MEGF8: variants seen among roughly 807,000 people sequenced by gnomAD.
MEGF8 encodes multiple epidermal growth factor-like domains protein 8.
Under a neutral mutation model 302.9 loss-of-function variants are expected in MEGF8, and 156 were observed. The ratio of observed to expected loss-of-function variants is 0.52; its 90% CI spans 0.45 to 0.59. The LOEUF (loss-of-function observed/expected upper bound fraction) is 0.59, where lower values mean the gene tolerates loss of function less well. MEGF8 is among the 20% of genes least tolerant of loss of function. MEGF8 has a pLI of 0.00. For synonymous variants in MEGF8, 1,621 were observed against 1,660.5 expected, an observed-to-expected ratio of 0.98 and a Z score of 0.58; for missense variants, 3,345 against 3,964.5, an observed-to-expected ratio of 0.84 and a Z score of 4.20.
chr19:42,348,331 C>T lies in MEGF8; in HGVS notation c.2157C>T (p.Ser719=), dbSNP rs1364252641. 2.0e-6 allele frequency: 3 copies of T among 1,537,514 alleles called. No individual in the cohort carries two copies. The highest frequency in any genetic ancestry group is 2.0e-5 in the Admixed American group (1 of 51,010). ...CACCCAGCGCAGAGACAGATGTGTCCCTGGTCTACCGTGGCTTCATCTACC... is the reference window on the plus strand; with the variant it reads ...CACCCAGCGCAGAGACAGATGTGTCTCTGGTCTACCGTGGCTTCATCTACC... The part of the protein sequence containing the change: ...TLTPSAETDV[S]LVYRGFIYPM... The change falls in exon 13 of 42, where the codon TCC becomes TCT. Residue 719 remains serine, a synonymous_variant. Coordinates refer to ENST00000251268, the MANE Select transcript of MEGF8 (RefSeq NM_001271938.2).
Position 42,355,914 on chromosome 19 carries a change from G to T in MEGF8, c.4301G>T (p.Arg1434Leu). ...QDGAAGAGLC[R>L]CPQGWAGPHC... Reference sequence around the variant, plus strand: ...GGTGCTGCAGGTGCGGGGCTCTGCCGATGTCCTCAGGGCTGGGCTGGCCCA... The same window carrying T: ...GGTGCTGCAGGTGCGGGGCTCTGCCTATGTCCTCAGGGCTGGGCTGGCCCA... Residue 1434 changes from arginine (R) to leucine (L), a missense_variant, in exon 24 of 42, where the codon CGA becomes CTA. By Grantham distance (102) the Arg-to-Leu change is moderately radical. Transcript: ENST00000251268. The T allele has an allele frequency of 6.3e-7, 1 of 1,599,546 alleles. No homozygotes were observed.
intron 35 of MEGF8, among the ~76,000 whole-genome samples, chr19:42,366,571 G>C (rs1018701600): frequency 6.6e-6 from 1 of 152,176 alleles, no homozygotes; most frequent in African/African-American, 2.4e-5. Context: ...TCTCTGGTCT[G>C]CCTCCTTCCT....
In MEGF8 at chr19:42,369,452, G is replaced by A. The variant is rs954899207; in HGVS notation, c.6642-79G>A. The A allele has an allele frequency of 3.3e-5, 47 of 1,418,994 alleles. No homozygotes were observed. The highest frequency in any genetic ancestry group is 1.1e-4 in the South Asian group (9 of 78,710). The allele number at this position is 1,418,994 out of a possible 1,614,324, so 87.9% of individuals were successfully genotyped here. A position where few individuals can be genotyped will look rare whatever the true frequency, so the allele number is the denominator to read the frequency against. On this transcript the variant is annotated intron_variant, in intron 37 of 41. Coordinates refer to ENST00000251268, the MANE Select transcript of MEGF8 (RefSeq NM_001271938.2). This position sits in a 1 kb window ranked among gnomAD's most constrained non-coding sequence, Gnocchi z 5.7. ...ATGAGCAACCAGTTGAGAAGAGGGTGGGGTAGTTGGTTGGGTGCTAGGCCA... is the reference window on the plus strand; with the variant it reads ...ATGAGCAACCAGTTGAGAAGAGGGTAGGGTAGTTGGTTGGGTGCTAGGCCA...
Position 42,326,249 on chromosome 19 carries a change from C to T in MEGF8, c.6C>T (p.Ala2=). ...GGTCAGTGCAGGAGGCGGCGATGGC[C>T]CTGGGCAAGGTTCTGGCCATGGCAC... The part of the protein sequence containing the change: M[A]LGKVLAMALV... Residue 2 remains alanine (A), a synonymous_variant, in exon 1 of 42, where the codon GCC becomes GCT. Transcript: ENST00000251268. 4 of 1,532,788 alleles carry T rather than the reference C, an allele frequency of 2.6e-6. No individual in the cohort carries two copies. Among genetic ancestry groups the T allele is most frequent in the South Asian group, 1.3e-5 (1 of 79,056 alleles). 94.9% of individuals were successfully genotyped at this position (1,532,788 alleles called of 1,614,324 possible).
chr19:42,365,869 G>T (rs1047791973), intron 35 of MEGF8, among the ~76,000 whole-genome samples: 3 of 151,488 alleles, frequency 2.0e-5, no homozygotes, highest in South Asian at 4.2e-4. Context: ...GGATCGTGAG[G>T]TCAGGAGTTC....
intron 15 of MEGF8, 92 bp downstream of exon 15, chr19:42,350,476 G>A: frequency 8.2e-7 from 1 of 1,215,926 alleles, no homozygotes. Flanking sequence ...GGGGTGTGGG[G>A]GAAACAGCAA....
intron 1 of MEGF8, among the ~76,000 whole-genome samples, chr19:42,329,991 G>A (rs547310025): frequency 2.4e-4 from 36 of 152,086 alleles, no homozygotes; most frequent in African/African-American, 8.7e-4. Context: ...TGCCCAGGCT[G>A]GAGTGCAGTG....
rs950183776 is a variant in MEGF8, at chr19:42,356,743, A to C, written c.4623-31A>C. 4.3e-5 allele frequency: 65 copies of C among 1,527,498 alleles called. No individual in the cohort carries two copies. Among genetic ancestry groups the C allele is most frequent in the Non-Finnish European group, 5.6e-5 (63 of 1,133,178 alleles). The allele number at this position is 1,527,498 out of a possible 1,614,324, so 94.6% of individuals were successfully genotyped here. On this transcript the variant is annotated intron_variant, in intron 26 of 41. Transcript: ENST00000251268. The surrounding 1 kb of genome is among the most constrained non-coding windows in gnomAD (Gnocchi z 5.2). ...CTTGAAGGATGCTGGGATGACTGTA[A>C]TGAGGCTGCTTTTTTGCACCCTGGC...
In MEGF8 at chr19:42,352,153, T is replaced by C; in HGVS notation, c.3102-55T>C. The stretch of plus-strand genomic sequence containing the variant: ...TCCTCTCTCCCTGTCATTGTTTCTA[T>C]GTATGGCTCCTGTTTCTATGTTGTC... On this transcript the variant is annotated intron_variant, in intron 18 of 41. Transcript: ENST00000251268. This position sits in a 1 kb window ranked among gnomAD's most constrained non-coding sequence, Gnocchi z 4.4. 1 of 1,463,090 alleles carries C rather than the reference T, an allele frequency of 6.8e-7. No individual in the cohort carries two copies. The highest frequency in any genetic ancestry group is 2.4e-5 in the East Asian group (1 of 41,344). The allele number at this position is 1,463,090 out of a possible 1,614,324, so 90.6% of individuals were successfully genotyped here. A position where few individuals can be genotyped will look rare whatever the true frequency, so the allele number is the denominator to read the frequency against.
At chr19:42,370,634 C>T (rs1176612232) in intron 39 of MEGF8, 67 bp from the exon 40 acceptor site, 28 of 1,539,152 alleles carry the variant, frequency 1.8e-5, no homozygotes, top group African/African-American at 2.7e-5. Context: ...AGCCTGGACT[C>T]CTGGGTCTGA....
intron 12 of MEGF8, among the ~76,000 whole-genome samples, chr19:42,346,326 G>A (rs1256004354): frequency 6.6e-6 from 1 of 152,102 alleles, no homozygotes; most frequent in East Asian, 1.9e-4. Flanking sequence ...CGGATCTCTT[G>A]AGGTCAGGAG....
At chr19:42,345,520 T>C (rs527605698) in intron 12 of MEGF8, among the ~76,000 whole-genome samples, 23 of 152,350 alleles carry the variant, frequency 1.5e-4, no homozygotes, top group African/African-American at 5.5e-4. Context: ...GGACATTTCA[T>C]GTACATGGAG....
intron 38 of MEGF8, 95 bp from the exon 39 acceptor site, chr19:42,370,094 C>T (rs1181674283): frequency 2.9e-6 from 4 of 1,375,414 alleles, no homozygotes; most frequent in African/African-American, 2.9e-5. Context: ...CTGCTGCCCT[C>T]CCGTGGGCTC....
intron 15 of MEGF8, among the ~76,000 whole-genome samples, chr19:42,350,678 A>G (rs929730635): frequency 1.3e-5 from 2 of 152,210 alleles, no homozygotes; most frequent in African/African-American, 4.8e-5. Context: ...GCCACCTCCA[A>G]GTGATGTCAG....
At chr19:42,335,808 T>G (rs2039119475) in intron 5 of MEGF8, 123 bp from the exon 6 acceptor site, 1 of 924,670 alleles carries the variant, frequency 1.1e-6, no homozygotes, top group South Asian at 2.0e-5. Flanking sequence ...TCTGCCTTTC[T>G]CTTTGTCTCT....
intron 12 of MEGF8, 56 bp from the exon 13 acceptor site, chr19:42,348,216 T>C (rs2147470423): frequency 6.9e-7 from 1 of 1,446,276 alleles, no homozygotes; most frequent in Admixed American, 2.1e-5. Context: ...CTGGCTCTGA[T>C]GTGGCCTGTG....
At position 42,351,808 on chromosome 19, in the gene MEGF8, C is replaced by T; in HGVS notation, c.3101+47C>T. The T allele has an allele frequency of 2.0e-6, 3 of 1,474,088 alleles. No homozygotes were observed. The highest frequency in any genetic ancestry group is 2.8e-6 in the Non-Finnish European group (3 of 1,077,998). 91.3% of individuals were successfully genotyped at this position (1,474,088 alleles called of 1,614,324 possible). ...GGCAGGGTGCCCGGCTGTGTCCTTC[C>T]TCCATGACCGGTCATTCTAATGGCC... On this transcript the variant is annotated intron_variant, in intron 18 of 41. Transcript: ENST00000251268. This position sits in a 1 kb window ranked among gnomAD's most constrained non-coding sequence, Gnocchi z 5.6.
Position 42,338,915 on chromosome 19 carries a change from A to C in MEGF8, c.1513+1709A>C, listed in dbSNP as rs567633063. ...AGTGGCGGGATCTCGGCTCACTGCA[A>C]CCTCCACCTCCCAGGTTCAAGCGAT... is the stretch of plus-strand genomic sequence containing the variant. On this transcript the variant is annotated intron_variant, in intron 8 of 41. Coordinates refer to ENST00000251268, the MANE Select transcript of MEGF8 (RefSeq NM_001271938.2). 2.5e-4 allele frequency among the ~76,000 whole-genome samples: 34 copies of C among 134,612 alleles called. No individual in the cohort carries two copies. The East Asian group carries it at 4.6e-3, about 18-fold the overall frequency. The allele number at this position is 134,612 out of a possible 152,430, so 88.3% of individuals were successfully genotyped here.
rs2039558421 is a variant in MEGF8, at chr19:42,363,207, C to CT, written c.6219dup (p.Lys2074Ter). On this transcript the variant is annotated frameshift_variant, in exon 35 of 42. Transcript: ENST00000251268. LOFTEE classifies it high-confidence loss of function. ...CCCAACTGTACCTCCTGCCTGGACT[C>CT]TAAGGGAGCAGATGGGGGCTGGCAG... is the stretch of plus-strand genomic sequence containing the variant. 6.2e-7 allele frequency: 1 copy of CT among 1,611,492 alleles called. No homozygotes were observed. The highest frequency in any genetic ancestry group is 8.5e-7 in the Non-Finnish European group (1 of 1,178,922).
Sources: allele counts gnomAD v4.1 joint callset (sites outside exome capture counted in the v4.1 genomes callset), GRCh38; gene constraint gnomAD v4.1.1; non-coding constraint Gnocchi (gnomAD v3.1); transcripts MANE v1.5; gene names NCBI Gene and HGNC (gene_info 2026-07-23, HGNC 2026-07-21).